Variants in ERC1 observed in about 807,000 individuals in gnomAD.
ERC1 encodes the protein ELKS/RAB6-interacting/CAST family member 1, also known as RAB6 interacting protein 2.
In ERC1, 56 loss-of-function variants were observed where a neutral mutation model predicts 132.0. The observed-to-expected ratio is 0.42, with a 90% CI of 0.34 to 0.53. The LOEUF (loss-of-function observed/expected upper bound fraction) is 0.53. Ranked by LOEUF, ERC1 falls within the 20% of genes least tolerant of loss-of-function variation. The probability of loss-of-function intolerance (pLI) is 0.03; values close to 1 mark genes in which losing one functional copy is unlikely to be tolerated. For missense variants in ERC1, 1,202 were observed against 1,349.9 expected, an observed-to-expected ratio of 0.89 and a Z score of 1.72; for synonymous variants, 478 against 476.1, an observed-to-expected ratio of 1.00 and a Z score of -0.05.
chr12:1,465,334 T>C (rs576058977), intron 18 of ERC1, among the ~76,000 whole-genome samples: 46 of 152,346 alleles, frequency 3.0e-4, no homozygotes, highest in Non-Finnish European at 4.4e-4. Flanking sequence ...CCCACAGTTT[T>C]CTTCCAAACT....
At chr12:996,193 A>G (rs1351434192) in intron 1 of ERC1, among the ~76,000 whole-genome samples, 2 of 137,786 alleles carry the variant, frequency 1.5e-5, no homozygotes, top group Non-Finnish European at 3.0e-5. Flanking sequence ...GGTTCACACC[A>G]TTCTGCCTCA....
intron 15 of ERC1, among the ~76,000 whole-genome samples, chr12:1,318,874 G>A (rs956298100): frequency 6.6e-6 from 1 of 152,114 alleles, no homozygotes; most frequent in African/African-American, 2.4e-5. Context: ...GCAGCAGGCC[G>A]TTTGCTGAGA....
At chr12:1,272,415 C>T (rs1373573459) in intron 14 of ERC1, among the ~76,000 whole-genome samples, 1 of 152,178 alleles carries the variant, frequency 6.6e-6, no homozygotes, top group Non-Finnish European at 1.5e-5. Context: ...TTCTAATTTA[C>T]ATATGTCAAG....
intron 2 of ERC1, among the ~76,000 whole-genome samples, chr12:1,081,596 G>T (rs2154188227): frequency 6.6e-6 from 1 of 152,204 alleles, no homozygotes; most frequent in East Asian, 1.9e-4. Context: ...ACCTCTCTAA[G>T]CCTCGTGCCC....
intron 15 of ERC1, among the ~76,000 whole-genome samples, chr12:1,327,289 A>G (rs575290490): frequency 1.3e-5 from 2 of 152,006 alleles, no homozygotes; most frequent in Non-Finnish European, 2.9e-5. Context: ...GTCTTGTCTT[A>G]TATCTTTATG....
chr12:1,413,903 C>T (rs943473524), intron 17 of ERC1, among the ~76,000 whole-genome samples: 40 of 152,192 alleles, frequency 2.6e-4, no homozygotes, highest in African/African-American at 9.2e-4. Flanking sequence ...CACCAGGAAC[C>T]GGTTTCGTGG....
intron 15 of ERC1, among the ~76,000 whole-genome samples, chr12:1,303,604 A>G (rs544356588): frequency 2.3e-4 from 35 of 151,270 alleles, no homozygotes; most frequent in Non-Finnish European, 4.4e-4. Flanking sequence ...TCGCCACTGC[A>G]CTCCAGCCTG....
chr12:1,313,862 T>C (rs998528921), intron 15 of ERC1, among the ~76,000 whole-genome samples: 3 of 152,070 alleles, frequency 2.0e-5, no homozygotes, highest in African/African-American at 7.2e-5. Context: ...TAGGTGCCTA[T>C]AATCCCAGCT....
chr12:1,017,924 A>G (rs1306686426), intron 1 of ERC1, among the ~76,000 whole-genome samples: 1 of 152,080 alleles, frequency 6.6e-6, no homozygotes, highest in Non-Finnish European at 1.5e-5. Flanking sequence ...TTGAGAACCC[A>G]TTTGTCCCCA....
chr12:1,102,505 G>A (rs558422519), intron 3 of ERC1, among the ~76,000 whole-genome samples: 26 of 152,180 alleles, frequency 1.7e-4, no homozygotes, highest in African/African-American at 5.5e-4. Context: ...AATAGGAGGT[G>A]TACAAAATTC....
intron 18 of ERC1, among the ~76,000 whole-genome samples, chr12:1,468,517 G>C (rs756557693): frequency 6.6e-6 from 1 of 152,092 alleles, no homozygotes; most frequent in Non-Finnish European, 1.5e-5. Flanking sequence ...CAGGAGAATC[G>C]CTAGAACCCG....
chr12:1,461,204 A>G (rs73599919), intron 18 of ERC1, among the ~76,000 whole-genome samples: 2,527 of 152,106 alleles, frequency 0.017, 67 homozygotes, highest in African/African-American at 0.058. Context: ...TCAATATTGT[A>G]CCCATTTGAT....
chr12:1,242,889 G>A lies in ERC1; in HGVS notation c.2487+5985G>A, dbSNP rs569820385. Among the ~76,000 whole-genome samples the A allele has an allele frequency of 4.6e-5, 7 of 152,298 alleles. No individual in the cohort carries two copies. In the South Asian group the frequency reaches 1.2e-3, roughly 27 times the overall value. On this transcript the variant is annotated intron_variant, in intron 13 of 18. Coordinates refer to ENST00000360905, the MANE Select transcript of ERC1 (RefSeq NM_178040.4). ...TTACATAGTGTTTACATTGTATTGG[G>A]TATTAGAAGAAATCGAGGCCGGGCG...
chr12:1,352,472 T>G (rs1001844164), intron 15 of ERC1, among the ~76,000 whole-genome samples: 1 of 152,244 alleles, frequency 6.6e-6, no homozygotes, highest in Non-Finnish European at 1.5e-5. Context: ...ATGGTTTGAA[T>G]GTCATCATGT....
chr12:1,197,906 T>TTTTTG (rs201199133), intron 12 of ERC1, among the ~76,000 whole-genome samples: 3,887 of 151,954 alleles, frequency 0.026, 53 homozygotes, highest in East Asian at 0.071. Context: ...TGGACTATTT[T>TTTTTG]TTTTGTTTTG....
At chr12:1,298,536 C>T (rs991035696) in intron 15 of ERC1, among the ~76,000 whole-genome samples, 20 of 124,578 alleles carry the variant, frequency 1.6e-4, no homozygotes, top group Non-Finnish European at 2.8e-4. Context: ...GAACGAGACT[C>T]TGTCACAAAA....
At chr12:993,629 C>T (rs536763794) in intron 1 of ERC1, among the ~76,000 whole-genome samples, 12 of 152,196 alleles carry the variant, frequency 7.9e-5, no homozygotes, top group African/African-American at 9.6e-5. Flanking sequence ...CTTGGCCGGG[C>T]GCCGTGGCTC....
intron 13 of ERC1, among the ~76,000 whole-genome samples, chr12:1,238,494 G>A (rs2075576731): frequency 6.6e-6 from 1 of 152,072 alleles, no homozygotes; most frequent in South Asian, 2.1e-4. Context: ...TCACAAGAAT[G>A]TTTATAGGGA....
In ERC1 at chr12:1,230,129, CCTG is replaced by C. The variant is rs541455497; in HGVS notation, c.2352-6639_2352-6637del. 9.4e-4 allele frequency among the ~76,000 whole-genome samples: 142 copies of C among 151,792 alleles called. 1 individual carries two copies. Among genetic ancestry groups the C allele is most frequent in the Middle Eastern group, 3.4e-3 (1 of 294 alleles). ...TCAAGCGATTCTCCTGCCTCAGCCT[CCTG>C]AGTAGCTGGGATTACAGGCATGTGC... is the stretch of plus-strand genomic sequence containing the variant. On this transcript the variant is annotated intron_variant, in intron 12 of 18. Coordinates refer to ENST00000360905, the MANE Select transcript of ERC1 (RefSeq NM_178040.4).
Sources: gnomAD v4.1 joint callset for allele counts (sites outside exome capture counted in the v4.1 genomes callset) on GRCh38, gnomAD v4.1.1 for gene constraint, MANE v1.5 for transcripts, NCBI Gene and HGNC (gene_info 2026-07-23, HGNC 2026-07-21) for gene names.